The following PGR variants were observed in gnomAD, a reference collection of about 807,000 sequenced individuals.
PGR encodes the protein nuclear receptor subfamily 3 group C member 3.
A neutral mutation model predicts 76.1 loss-of-function variants in PGR; 25 were observed. The ratio of observed to expected loss-of-function variants is 0.33; its 90% CI spans 0.24 to 0.46. The LOEUF (loss-of-function observed/expected upper bound fraction) is 0.46, where lower values mean the gene tolerates loss of function less well. Ranked by LOEUF, PGR falls within the 20% of genes least tolerant of loss-of-function variation. The pLI is 1.00. For synonymous variants in PGR, 579 were observed against 535.0 expected, an observed-to-expected ratio of 1.08 and a Z score of -1.14; for missense variants, 1,172 against 1,225.3, an observed-to-expected ratio of 0.96 and a Z score of 0.65.
At chr11:101,101,660 A>G (rs75159677) in intron 2 of PGR, among the ~76,000 whole-genome samples, 92 of 152,328 alleles carry the variant, frequency 6.0e-4, no homozygotes, top group African/African-American at 2.1e-3. Context: ...ACATATTGGA[A>G]CAGATTGACT....
chr11:101,066,891 A>G (rs1860737854), intron 3 of PGR, among the ~76,000 whole-genome samples: 1 of 152,196 alleles, frequency 6.6e-6, no homozygotes, highest in Non-Finnish European at 1.5e-5. Flanking sequence ...GACTATTGTA[A>G]CATATGCTGG....
chr11:101,054,392 T>G (rs1443394074), intron 4 of PGR, among the ~76,000 whole-genome samples: 1 of 152,184 alleles, frequency 6.6e-6, no homozygotes, highest in Admixed American at 6.5e-5. Context: ...TGAACGTGTC[T>G]TCAAGTATAG....
intron 6 of PGR, among the ~76,000 whole-genome samples, chr11:101,044,651 T>C (rs964184907): frequency 6.6e-6 from 1 of 152,016 alleles, no homozygotes; most frequent in Admixed American, 6.6e-5. Context: ...ACTCTTTCTT[T>C]TACTGGAACA....
At chr11:101,056,841 A>G (rs1388397565) in intron 4 of PGR, among the ~76,000 whole-genome samples, 1 of 152,230 alleles carries the variant, frequency 6.6e-6, no homozygotes, top group Non-Finnish European at 1.5e-5. Context: ...ATACACAAGT[A>G]TCAATGTTGA....
intron 3 of PGR, among the ~76,000 whole-genome samples, chr11:101,076,322 G>A (rs893707358): frequency 6.6e-6 from 1 of 151,672 alleles, no homozygotes; most frequent in Non-Finnish European, 1.5e-5. Context: ...GTCGGGGGGT[G>A]GGGGGCTAAG....
At chr11:101,103,838 A>T (rs1273383959) in intron 2 of PGR, among the ~76,000 whole-genome samples, 1 of 152,186 alleles carries the variant, frequency 6.6e-6, no homozygotes. Context: ...AGTCCTTTTG[A>T]TCTAAAAAGT....
At chr11:101,044,471 C>A (rs981299364) in intron 6 of PGR, among the ~76,000 whole-genome samples, 1 of 152,048 alleles carries the variant, frequency 6.6e-6, no homozygotes, top group African/African-American at 2.4e-5. Context: ...GGCGGTTTTG[C>A]TTATCATTCA....
At chr11:101,050,723 A>G (rs893148912) in intron 5 of PGR, among the ~76,000 whole-genome samples, 2 of 152,128 alleles carry the variant, frequency 1.3e-5, no homozygotes, top group African/African-American at 4.8e-5. Context: ...AAAAAGAGAT[A>G]AGGAATCTCA....
rs1253448024 is a variant in PGR, at chr11:101,036,903, C to T, written c.*2213G>A. 1.5e-5 allele frequency: 3 copies of T among 197,814 alleles called. No individual in the cohort carries two copies. The highest frequency in any genetic ancestry group is 3.1e-5 in the Non-Finnish European group (3 of 95,556). The allele number at this position is 197,814 out of a possible 1,614,324, so 12.3% of individuals were successfully genotyped here. A position where few individuals can be genotyped will look rare whatever the true frequency, so the allele number is the denominator to read the frequency against. ...AACAAGAATCAGATAATAAAATGAT[C>T]ACAACATCAACTGTTCCCTGAGTCC... On this transcript the variant is annotated 3_prime_UTR_variant, in exon 8 of 8. Coordinates refer to ENST00000325455, the MANE Select transcript of PGR (RefSeq NM_000926.4).
intron 4 of PGR, among the ~76,000 whole-genome samples, chr11:101,058,243 T>C (rs1389765880): frequency 1.3e-5 from 2 of 152,226 alleles, no homozygotes; most frequent in Non-Finnish European, 2.9e-5. Flanking sequence ...CTGGCAATCA[T>C]AATTTCAGTG....
rs922276927 is a variant in PGR, at chr11:101,128,535, G to C, written c.536C>G (p.Ala179Gly). The change falls in exon 1 of 8, where the codon GCA becomes GGA. Residue 179 changes from alanine (A) to glycine (G), a missense_variant. By Grantham distance (60) the Ala-to-Gly change is moderately conservative (BLOSUM62 0). Coordinates refer to ENST00000325455, the MANE Select transcript of PGR (RefSeq NM_000926.4). ...CCGGGGCAGCACTTTATGGGCAGCT[G>C]CCGTCCCGGAGCTGTCTCCAACCTT... The part of the protein sequence containing the change: ...GCKVGDSSGT[A>G]AAHKVLPRGL... 1 of 1,599,798 alleles carries C rather than the reference G, an allele frequency of 6.3e-7. No homozygotes were observed. The highest frequency in any genetic ancestry group is 1.1e-5 in the South Asian group (1 of 89,818).
Position 101,128,785 on chromosome 11 carries a change from C to A in PGR, c.286G>T (p.Ala96Ser). The A allele has an allele frequency of 6.2e-7, 1 of 1,614,156 alleles. No individual in the cohort carries two copies. The highest frequency in any genetic ancestry group is 8.5e-7 in the Non-Finnish European group (1 of 1,180,040). The change falls in exon 1 of 8, where the codon GCT becomes TCT. Residue 96 changes from alanine (A) to serine (S), a missense_variant. Physicochemically the swap from Ala to Ser is moderately conservative, Grantham distance 99. This residue lies in a region of PGR where 893 missense variants were observed against 785.9 expected (regional missense o/e 1.14). Transcript: ENST00000325455. ...AYSRAEATRG[A>S]GGSSSSPPEK... The stretch of plus-strand genomic sequence containing the variant: ...GGGGGACTAGAACTGCTGCCTCCAG[C>A]ACCCCTTGTAGCTTCAGCTCTGGAA...
intron 3 of PGR, among the ~76,000 whole-genome samples, chr11:101,075,644 C>T (rs1861097625): frequency 6.7e-6 from 1 of 149,528 alleles, no homozygotes; most frequent in Non-Finnish European, 1.5e-5. Flanking sequence ...AAAAAACAAC[C>T]CCATCAAAAA....
chr11:101,100,136 C>T (rs1328708872), intron 2 of PGR, among the ~76,000 whole-genome samples: 1 of 152,172 alleles, frequency 6.6e-6, no homozygotes, highest in South Asian at 2.1e-4. Flanking sequence ...ATAATCCCCC[C>T]ATGTTGTGGG....
At chr11:101,052,269 C>CTGTGTG (rs55925008) in intron 4 of PGR, among the ~76,000 whole-genome samples, 203 of 141,932 alleles carry the variant, frequency 1.4e-3, no homozygotes, top group African/African-American at 5.0e-3. Context: ...GATTTAGAAT[C>CTGTGTG]TGTGTGTGTG....
Position 101,034,503 on chromosome 11 carries a change from C to A in PGR, c.*4613G>T, listed in dbSNP as rs1859446716. ...AACAGCTGCTGTGTTTAACTTACTA[C>A]CAACACCCCCAAATTCTTAAATTTT... On this transcript the variant is annotated 3_prime_UTR_variant, in exon 8 of 8. Coordinates refer to ENST00000325455, the MANE Select transcript of PGR (RefSeq NM_000926.4). The A allele has an allele frequency of 5.6e-6, 1 of 178,570 alleles. No homozygotes were observed. The highest frequency in any genetic ancestry group is 2.4e-5 in the African/African-American group (1 of 42,426). The allele number at this position is 178,570 out of a possible 1,614,324, so 11.1% of individuals were successfully genotyped here.
At chr11:101,069,605 A>C (rs926630654) in intron 3 of PGR, among the ~76,000 whole-genome samples, 1 of 152,228 alleles carries the variant, frequency 6.6e-6, no homozygotes, top group Non-Finnish European at 1.5e-5. Context: ...ACTTGGAGCC[A>C]ACCCAAATCC....
chr11:101,075,193 C>T (rs982009420), intron 3 of PGR, among the ~76,000 whole-genome samples: 3 of 152,086 alleles, frequency 2.0e-5, no homozygotes, highest in East Asian at 1.9e-4. Flanking sequence ...TGATCTTTGA[C>T]AAATCTGACC....
In PGR at chr11:101,039,125, A is replaced by G; in HGVS notation, c.2793T>C (p.His931=). ...AAGAAAAAGATGACATTCACTTTTT[A>G]TGAAAGAGAAGGGGTTTCACCATCC... ...LAGMVKPLLF[H]KK Residue 931 remains histidine (H), a synonymous_variant, in exon 8 of 8, where the codon CAT becomes CAC. Coordinates refer to ENST00000325455, the MANE Select transcript of PGR (RefSeq NM_000926.4). 1.2e-6 allele frequency: 2 copies of G among 1,610,390 alleles called. No homozygotes were observed. Among genetic ancestry groups the G allele is most frequent in the South Asian group, 2.2e-5 (2 of 90,976 alleles).
Sources: allele counts gnomAD v4.1 joint callset (sites outside exome capture counted in the v4.1 genomes callset), GRCh38; gene constraint gnomAD v4.1.1; regional missense constraint gnomAD v4.1.1; transcripts MANE v1.5; gene names NCBI Gene and HGNC (gene_info 2026-07-23, HGNC 2026-07-21).